FSBP: variants seen among roughly 807,000 people sequenced by gnomAD.
The protein encoded by FSBP is fibrinogen silencer binding protein, also known as fibrinogen silencer-binding protein.
FSBP carries 18 observed loss-of-function variants against 24.6 expected under a neutral mutation model. The ratio of observed to expected loss-of-function variants is 0.73; its 90% confidence interval spans 0.51 to 1.08. FSBP has a LOEUF of 1.08. FSBP is among the 50% of genes least tolerant of loss of function. The pLI is 0.00. For missense variants in FSBP, 305 were observed against 347.6 expected, an observed-to-expected ratio of 0.88 and a Z score of 0.98; for synonymous variants, 110 against 125.8, an observed-to-expected ratio of 0.87 and a Z score of 0.84.
chr8:94,430,678 G>A lies in FSBP; in HGVS notation c.*1453C>T. 1.2e-6 allele frequency: 1 copy of A among 806,044 alleles called. No homozygotes were observed. Among genetic ancestry groups the A allele is most frequent in the Non-Finnish European group, 1.5e-6 (1 of 666,400 alleles). 49.9% of individuals were successfully genotyped at this position (806,044 alleles called of 1,614,324 possible). On this transcript the variant is annotated 3_prime_UTR_variant, in exon 2 of 2. Transcript: ENST00000481490. ...AAGTGGAAGCCCAATGGCTCAGTGAGGCCCACTCACATGTTGTCTGTATAA... is the reference window on the plus strand; with the variant it reads ...AAGTGGAAGCCCAATGGCTCAGTGAAGCCCACTCACATGTTGTCTGTATAA...
intron 1 of FSBP, among the ~76,000 whole-genome samples, chr8:94,435,854 AAAACTTTTAATTTT>A (rs1165485900): frequency 6.6e-6 from 1 of 152,140 alleles, no homozygotes; most frequent in Non-Finnish European, 1.5e-5. Context: ...ACAACAACAA[AAAACTTTTAATTTT>A]ATTAAGTAAA....
At position 94,430,085 on chromosome 8, in the gene FSBP, G is replaced by A. The variant is rs955763597; in HGVS notation, c.*2046C>T. 22 of 904,536 alleles carry A rather than the reference G, an allele frequency of 2.4e-5. No homozygotes were observed. The highest frequency in any genetic ancestry group is 5.6e-4 in the Middle Eastern group (1 of 1,782). 56.0% of individuals were successfully genotyped at this position (904,536 alleles called of 1,614,324 possible). A position where few individuals can be genotyped will look rare whatever the true frequency, so the allele number is the denominator to read the frequency against. ...TCCCAGCACTTTGGGAGGCCGAGGC[G>A]GGCAGATCACGAGGTCAGGAGATCA... On this transcript the variant is annotated 3_prime_UTR_variant, in exon 2 of 2. Transcript: ENST00000481490.
chr8:94,428,627 G>A lies in FSBP; in HGVS notation c.*3504C>T, dbSNP rs574527643. 16 of 662,808 alleles carry A rather than the reference G, an allele frequency of 2.4e-5. No individual in the cohort carries two copies. The highest frequency in any genetic ancestry group is 1.4e-4 in the East Asian group (1 of 7,336). The allele number at this position is 662,808 out of a possible 1,614,324, so 41.1% of individuals were successfully genotyped here. Reference sequence around the variant, plus strand: ...CAGTTATACCGTCTTTTTAAATTTCGTATTACTTTTTATTGTTGTACTGTT... The same window carrying A: ...CAGTTATACCGTCTTTTTAAATTTCATATTACTTTTTATTGTTGTACTGTT... On this transcript the variant is annotated 3_prime_UTR_variant, in exon 2 of 2. Transcript: ENST00000481490.
chr8:94,432,154 G>C lies in FSBP; in HGVS notation c.877C>G (p.Leu293Val). The change falls in exon 2 of 2, where the codon CTA becomes GTA. Residue 293 changes from leucine (L) to valine (V), a missense_variant. Leu to Val is a conservative substitution (Grantham distance 32). Coordinates refer to ENST00000481490, the MANE Select transcript of FSBP (RefSeq NM_001256141.2). ...KLKAIRLRHD[L>V]PEYNSL Reference sequence around the variant, plus strand: ...ACTTAGAGACTGTTATATTCAGGTAGATCATGCCGTAAGCGAATTGCTTTC... The same window carrying C: ...ACTTAGAGACTGTTATATTCAGGTACATCATGCCGTAAGCGAATTGCTTTC... 6.5e-7 allele frequency: 1 copy of C among 1,549,674 alleles called. No homozygotes were observed. The highest frequency in any genetic ancestry group is 1.2e-5 in the South Asian group (1 of 83,942).
At chr8:94,432,906 ATAT>A (rs1812151039) in intron 1 of FSBP, among the ~76,000 whole-genome samples, 1 of 152,136 alleles carries the variant, frequency 6.6e-6, no homozygotes, top group Non-Finnish European at 1.5e-5. Flanking sequence ...GAAATTACAA[ATAT>A]TATAGAAGGC....
At position 94,436,900 on chromosome 8, in the gene FSBP, A is replaced by G. The variant is rs1438864743; in HGVS notation, c.-32T>C. On this transcript the variant is annotated 5_prime_UTR_variant, in exon 1 of 2. Transcript: ENST00000481490. ...TTTCAAATTAAGTAGGCAGTTTCTG[A>G]AACCACCATGCAGCCTTCAGCTCTG... The G allele has an allele frequency of 1.3e-6, 2 of 1,488,820 alleles. No individual in the cohort carries two copies. Among genetic ancestry groups the G allele is most frequent in the Non-Finnish European group, 1.8e-6 (2 of 1,121,864 alleles). The allele number at this position is 1,488,820 out of a possible 1,614,324, so 92.2% of individuals were successfully genotyped here.
chr8:94,435,016 TAC>T (rs1432350870), intron 1 of FSBP, among the ~76,000 whole-genome samples: 2 of 151,938 alleles, frequency 1.3e-5, no homozygotes, highest in Admixed American at 6.6e-5. Context: ...TAACTAAAAT[TAC>T]AGTTTCTACA....
rs1408950061 is a variant in FSBP at position 94,436,721 on chromosome 8, C to G, written c.148G>C (p.Ala50Pro). 4.5e-6 allele frequency: 7 copies of G among 1,550,558 alleles called. No individual in the cohort carries two copies. The highest frequency in any genetic ancestry group is 1.4e-5 in the African/African-American group (1 of 73,030). ...ACTCCAATTGCATTATAGTTAACTGCTATGATATCCCAACATCTATTCTTT... is the reference window on the plus strand; with the variant it reads ...ACTCCAATTGCATTATAGTTAACTGGTATGATATCCCAACATCTATTCTTT... ...VEKNRCWDII[A>P]VNYNAIGVDR... Residue 50 changes from alanine (A) to proline (P), a missense_variant, in exon 1 of 2, where the codon GCA becomes CCA. By Grantham distance (27) the Ala-to-Pro change is conservative. Transcript: ENST00000481490.
chr8:94,431,860 T>C lies in FSBP; in HGVS notation c.*271A>G, dbSNP rs749903104. On this transcript the variant is annotated 3_prime_UTR_variant, in exon 2 of 2. Coordinates refer to ENST00000481490, the MANE Select transcript of FSBP (RefSeq NM_001256141.2). ...GTGTTTGTATATGCATTTGTGTATA[T>C]CTTAGTGATCAGAATAAAATATCTT... is the stretch of plus-strand genomic sequence containing the variant. 1.3e-5 allele frequency: 15 copies of C among 1,113,690 alleles called. No individual in the cohort carries two copies. The highest frequency in any genetic ancestry group is 5.1e-5 in the East Asian group (1 of 19,768). 69.0% of individuals were successfully genotyped at this position (1,113,690 alleles called of 1,614,324 possible). A position where few individuals can be genotyped will look rare whatever the true frequency, so the allele number is the denominator to read the frequency against.
chr8:94,430,780 G>A lies in FSBP; in HGVS notation c.*1351C>T, dbSNP rs1812072749. ...CCTCATTAAAAAATGCAGATTTCTG[G>A]TTTATCCCCGCATGTGAAAATTCTG... On this transcript the variant is annotated 3_prime_UTR_variant, in exon 2 of 2. Coordinates refer to ENST00000481490, the MANE Select transcript of FSBP (RefSeq NM_001256141.2). The A allele has an allele frequency of 2.0e-6, 2 of 985,016 alleles. No homozygotes were observed. Among genetic ancestry groups the A allele is most frequent in the Non-Finnish European group, 2.4e-6 (2 of 829,736 alleles). 61.0% of individuals were successfully genotyped at this position (985,016 alleles called of 1,614,324 possible). A position where few individuals can be genotyped will look rare whatever the true frequency, so the allele number is the denominator to read the frequency against.
In FSBP at chr8:94,436,800, C is replaced by T. The variant is rs1812276298; in HGVS notation, c.69G>A (p.Lys23=). The T allele has an allele frequency of 1.3e-6, 2 of 1,549,332 alleles. No homozygotes were observed. Among genetic ancestry groups the T allele is most frequent in the Non-Finnish European group, 1.7e-6 (2 of 1,146,666 alleles). The change falls in exon 1 of 2, where the codon AAG becomes AAA. Residue 23 remains lysine, a synonymous_variant. Transcript: ENST00000481490. ...GTTCTTCGAGAATTTTCACATATGG[C>T]TTCACAAGCTTTAGCAAATCAAGCT... is the stretch of plus-strand genomic sequence containing the variant. ...SEKLDLLKLV[K]PYVKILEEHT... is the part of the protein sequence containing the mutation.
chr8:94,429,008 G>A lies in FSBP; in HGVS notation c.*3123C>T, dbSNP rs1563653219. On this transcript the variant is annotated 3_prime_UTR_variant, in exon 2 of 2. Coordinates refer to ENST00000481490, the MANE Select transcript of FSBP (RefSeq NM_001256141.2). ...CTATGTTAATCATGGTTATACAAGGGGAGGTAGACAATGAGGAGAATTATA... is the reference window on the plus strand; with the variant it reads ...CTATGTTAATCATGGTTATACAAGGAGAGGTAGACAATGAGGAGAATTATA... 5.1e-6 allele frequency: 5 copies of A among 982,588 alleles called. No homozygotes were observed. The highest frequency in any genetic ancestry group is 2.3e-4 in the East Asian group (2 of 8,810). The allele number at this position is 982,588 out of a possible 1,614,324, so 60.9% of individuals were successfully genotyped here.
intron 1 of FSBP, 67 bp downstream of exon 1, chr8:94,436,428 G>C: frequency 6.9e-7 from 1 of 1,455,870 alleles, no homozygotes; most frequent in South Asian, 1.5e-5. Flanking sequence ...TCTCTATCAC[G>C]ACTAAGCCAA....
At chr8:94,432,774 C>T (rs1193521223) in intron 1 of FSBP, 118 bp from the exon 2 acceptor site, 62 of 1,245,448 alleles carry the variant, frequency 5.0e-5, no homozygotes, top group Non-Finnish European at 6.4e-5. Flanking sequence ...TATAAAGTTA[C>T]AAAATAAAAA....
In FSBP at chr8:94,429,978, C is replaced by T; in HGVS notation, c.*2153G>A. ...ATCAAATTAGCCCTCTAATTCAAAG[C>T]ATTCAATGGCTTCTCATTGTACGTT... On this transcript the variant is annotated 3_prime_UTR_variant, in exon 2 of 2. Transcript: ENST00000481490. The T allele has an allele frequency of 1.0e-6, 1 of 985,342 alleles. No individual in the cohort carries two copies. The highest frequency in any genetic ancestry group is 4.7e-5 in the South Asian group (1 of 21,276). 61.0% of individuals were successfully genotyped at this position (985,342 alleles called of 1,614,324 possible).
chr8:94,435,018 C>T (rs1179157876), intron 1 of FSBP, among the ~76,000 whole-genome samples: 1 of 151,880 alleles, frequency 6.6e-6, no homozygotes, highest in Non-Finnish European at 1.5e-5. Context: ...ACTAAAATTA[C>T]AGTTTCTACA....
At position 94,432,494 on chromosome 8, in the gene FSBP, T is replaced by C; in HGVS notation, c.537A>G (p.Arg179=). 6.4e-7 allele frequency: 1 copy of C among 1,550,650 alleles called. No individual in the cohort carries two copies. Among genetic ancestry groups the C allele is most frequent in the Non-Finnish European group, 8.7e-7 (1 of 1,146,892 alleles). ...TAACATGTACTAATTCATGTTCTTC[T>C]CTTTGCTCTAAAGTATCACTCTGTT... ...NSQQSDTLEQ[R]EEHELVHVME... is the part of the protein sequence containing the mutation. Residue 179 remains arginine (R), a synonymous_variant, in exon 2 of 2, where the codon AGA becomes AGG. Transcript: ENST00000481490.
intron 1 of FSBP, among the ~76,000 whole-genome samples, chr8:94,434,365 G>A (rs1812200706): frequency 6.6e-6 from 1 of 151,690 alleles, no homozygotes; most frequent in Non-Finnish European, 1.5e-5. Flanking sequence ...AAGCTTTAGA[G>A]CAGGTCACAA....
At chr8:94,436,326 A>G (rs970513927) in intron 1 of FSBP, among the ~76,000 whole-genome samples, 169 bp downstream of exon 1, 1 of 152,188 alleles carries the variant, frequency 6.6e-6, no homozygotes, top group African/African-American at 2.4e-5. Context: ...TGCAACAGAA[A>G]AATTCCTCAT....
Sources: gnomAD v4.1 joint callset for allele counts (sites outside exome capture counted in the v4.1 genomes callset) on GRCh38, gnomAD v4.1.1 for gene constraint, MANE v1.5 for transcripts, NCBI Gene and HGNC (gene_info 2026-07-23, HGNC 2026-07-21) for gene names.